ZNF423: variants seen among roughly 807,000 people sequenced by gnomAD.
The protein encoded by ZNF423 is zinc finger protein 423.
A neutral mutation model predicts 95.8 loss-of-function variants in ZNF423; 12 were observed. The ratio of observed to expected loss-of-function variants is 0.13; its 90% confidence interval spans 0.08 to 0.20. The LOEUF is 0.20. ZNF423 is among the 10% of genes least tolerant of loss of function. The pLI is 1.00. For synonymous variants in ZNF423, 749 were observed against 711.9 expected (o/e 1.05, Z -0.83); for missense variants, 1,316 against 1,737.1 (o/e 0.76, Z 4.31).
intron 1 of ZNF423, among the ~76,000 whole-genome samples, chr16:49,833,120 A>T (rs537605636): frequency 2.6e-5 from 4 of 152,236 alleles, no homozygotes; most frequent in African/African-American, 9.6e-5. Flanking sequence ...CCCTCATGGG[A>T]CCCTGATTGG....
At chr16:49,805,760 A>AT (rs1183556956) in intron 1 of ZNF423, among the ~76,000 whole-genome samples, 1 of 152,214 alleles carries the variant, frequency 6.6e-6, no homozygotes, top group African/African-American at 2.4e-5. Context: ...TCGAGTCTTT[A>AT]TTTCCACATC....
At chr16:49,839,567 C>T (rs540730883) in intron 1 of ZNF423, among the ~76,000 whole-genome samples, 17 of 152,322 alleles carry the variant, frequency 1.1e-4, no homozygotes, top group African/African-American at 4.1e-4. Context: ...ATGTCTGCAG[C>T]GGAGGAGCGG....
At chr16:49,551,933 CTG>C (rs1969655394) in intron 5 of ZNF423, among the ~76,000 whole-genome samples, 1 of 152,268 alleles carries the variant, frequency 6.6e-6, no homozygotes, top group Non-Finnish European at 1.5e-5. Flanking sequence ...CAACTCAAAT[CTG>C]TGGTTCTGTT....
At chr16:49,777,129 G>A (rs2034134562) in intron 2 of ZNF423, among the ~76,000 whole-genome samples, 2 of 152,226 alleles carry the variant, frequency 1.3e-5, no homozygotes, top group South Asian at 4.1e-4. Context: ...ATCTGTGTGG[G>A]TGTGCATTAT....
At chr16:49,815,896 ATATATATATATATATATATTTTT>A (rs1479739230) in intron 1 of ZNF423, among the ~76,000 whole-genome samples, 1 of 55,148 alleles carries the variant, frequency 1.8e-5, no homozygotes, top group African/African-American at 9.3e-5. Flanking sequence ...ATATATATAT[ATATATATATATATATATATTTTT>A]TTTTTTTTTT....
intron 1 of ZNF423, among the ~76,000 whole-genome samples, chr16:49,839,420 T>C (rs2035159276): frequency 1.3e-5 from 2 of 152,236 alleles, no homozygotes; most frequent in South Asian, 4.1e-4. Flanking sequence ...GGTGGGAACG[T>C]GGTCCAGTGC....
intron 5 of ZNF423, among the ~76,000 whole-genome samples, chr16:49,574,490 A>C (rs906767245): frequency 6.6e-6 from 1 of 152,228 alleles, no homozygotes; most frequent in South Asian, 2.1e-4. Flanking sequence ...GCTGCTGCTG[A>C]TGCTGATGCT....
intron 5 of ZNF423, among the ~76,000 whole-genome samples, chr16:49,604,605 T>G (rs1190901140): frequency 6.6e-6 from 1 of 152,188 alleles, no homozygotes; most frequent in Non-Finnish European, 1.5e-5. Flanking sequence ...CATCCTGGGT[T>G]TGTGCAAGAG....
At chr16:49,770,106 A>G (rs952949859) in intron 2 of ZNF423, among the ~76,000 whole-genome samples, 6 of 152,224 alleles carry the variant, frequency 3.9e-5, no homozygotes, top group African/African-American at 1.4e-4. Context: ...AGCTCTGAGC[A>G]CAGCAGAGAC....
chr16:49,782,446 CAAG>C (rs1469540645), intron 2 of ZNF423, among the ~76,000 whole-genome samples: 6 of 152,240 alleles, frequency 3.9e-5, no homozygotes, highest in Non-Finnish European at 8.8e-5. Context: ...TTAACCAGAG[CAAG>C]AAGACCTGTC....
At chr16:49,531,855 C>G (rs1412859998) in intron 5 of ZNF423, among the ~76,000 whole-genome samples, 1 of 152,178 alleles carries the variant, frequency 6.6e-6, no homozygotes, top group Non-Finnish European at 1.5e-5. Flanking sequence ...ACTTCCCTGC[C>G]AAGCAGCCCG....
At chr16:49,690,142 C>T (rs1398138831) in intron 3 of ZNF423, among the ~76,000 whole-genome samples, 2 of 152,234 alleles carry the variant, frequency 1.3e-5, no homozygotes, top group South Asian at 4.1e-4. Context: ...ATGCCCATTA[C>T]TGCCCTGAAC....
At chr16:49,858,394 G>T (rs1210632317), upstream of ZNF423, among the ~76,000 whole-genome samples, 1 of 151,972 alleles carries the variant, frequency 6.6e-6, no homozygotes, top group African/African-American at 2.4e-5. The surrounding 1 kb of genome is among the most constrained non-coding windows in gnomAD (Gnocchi z 4.3). Flanking sequence ...TGCCACCCAC[G>T]CACCCCCGCG....
chr16:49,854,194 T>C (rs2035331459), intron 1 of ZNF423: 2 of 985,272 alleles, frequency 2.0e-6, no homozygotes, highest in Non-Finnish European at 2.4e-6. Flanking sequence ...TGTCCCGGAT[T>C]GGGAGACCAG....
chr16:49,845,273 T>A (rs1326627527), intron 1 of ZNF423, among the ~76,000 whole-genome samples: 6 of 151,752 alleles, frequency 4.0e-5, no homozygotes, highest in African/African-American at 1.5e-4. Flanking sequence ...CCTGGCTATT[T>A]TTTTTATTTT....
intron 4 of ZNF423, among the ~76,000 whole-genome samples, chr16:49,627,708 C>A (rs1408022383): frequency 1.3e-5 from 2 of 151,188 alleles, no homozygotes; most frequent in Non-Finnish European, 2.9e-5. Flanking sequence ...TCTACCCATC[C>A]ATCCATCCAT....
intron 2 of ZNF423, among the ~76,000 whole-genome samples, chr16:49,757,032 A>T (rs1305742411): frequency 1.3e-5 from 2 of 152,218 alleles, no homozygotes; most frequent in Middle Eastern, 3.2e-3. Context: ...CACAATAGAC[A>T]ACTGGCCCTG....
At chr16:49,568,031 T>C (rs1970246407) in intron 5 of ZNF423, among the ~76,000 whole-genome samples, 2 of 152,166 alleles carry the variant, frequency 1.3e-5, no homozygotes, top group South Asian at 4.1e-4. Context: ...TAGGTGAGCA[T>C]GTGATTCAGG....
In ZNF423 at chr16:49,638,347, C is replaced by G; in HGVS notation, c.829G>C (p.Glu277Gln). 1 of 1,614,082 alleles carries G rather than the reference C, an allele frequency of 6.2e-7. No homozygotes were observed. Among genetic ancestry groups the G allele is most frequent in the South Asian group, 1.1e-5 (1 of 91,068 alleles). Reference sequence around the variant, plus strand: ...TCCTCCGTCTGGCTGAAGGTGTCCTCGCAGTAGTCGCACATGAAGTCGTCC... The same window carrying G: ...TCCTCCGTCTGGCTGAAGGTGTCCTGGCAGTAGTCGCACATGAAGTCGTCC... ...KKDDFMCDYC[E>Q]DTFSQTEELE... Residue 277 changes from glutamate (E) to glutamine (Q), a missense_variant, in exon 4 of 8, where the codon GAG becomes CAG. By Grantham distance (29) the Glu-to-Gln change is conservative. Coordinates refer to ENST00000563137, the MANE Select transcript of ZNF423 (RefSeq NM_001379286.1). This position sits in a 1 kb window ranked among gnomAD's most constrained non-coding sequence, Gnocchi z 5.6.
Sources: gnomAD v4.1 joint callset for allele counts (sites outside exome capture counted in the v4.1 genomes callset) on GRCh38, gnomAD v4.1.1 for gene constraint, Gnocchi (gnomAD v3.1) non-coding constraint, MANE v1.5 for transcripts, NCBI Gene and HGNC (gene_info 2026-07-23, HGNC 2026-07-21) for gene names.